PTPRT: variants seen among roughly 807,000 people sequenced by gnomAD.
PTPRT encodes receptor-type tyrosine-protein phosphatase T.
PTPRT carries 56 observed loss-of-function variants against 176.8 expected under a neutral mutation model. The observed-to-expected ratio is 0.32, with a 90% CI of 0.26 to 0.40. The LOEUF is 0.40. PTPRT is among the 10% of genes least tolerant of loss of function. The pLI is 1.00. For synonymous variants in PTPRT, 783 were observed against 739.0 expected (o/e 1.06, Z -0.96); for missense variants, 1,540 against 1,908.2 (o/e 0.81, Z 3.60).
At chr20:43,099,947 C>T (rs966372728) in intron 1 of PTPRT, among the ~76,000 whole-genome samples, 1 of 152,192 alleles carries the variant, frequency 6.6e-6, no homozygotes, top group African/African-American at 2.4e-5. Context: ...ACAGACCTCA[C>T]ATGGTACCTA....
At chr20:42,479,565 G>A (rs2071348224) in intron 7 of PTPRT, among the ~76,000 whole-genome samples, 1 of 152,134 alleles carries the variant, frequency 6.6e-6, no homozygotes, top group African/African-American at 2.4e-5. Context: ...CAGCATCATC[G>A]AAACCCACTC....
At chr20:42,522,616 A>G (rs1298846246) in intron 7 of PTPRT, among the ~76,000 whole-genome samples, 1 of 151,996 alleles carries the variant, frequency 6.6e-6, no homozygotes. Context: ...GTGTGCCACC[A>G]CACCCAGCTA....
chr20:42,405,274 T>C (rs758452076), intron 9 of PTPRT, among the ~76,000 whole-genome samples: 1 of 151,772 alleles, frequency 6.6e-6, no homozygotes, highest in Non-Finnish European at 1.5e-5. Flanking sequence ...ACATGTGCCA[T>C]GTTGGTGTGC....
At chr20:42,967,546 G>A (rs969276462) in intron 1 of PTPRT, among the ~76,000 whole-genome samples, 2 of 152,162 alleles carry the variant, frequency 1.3e-5, no homozygotes, top group Non-Finnish European at 2.9e-5. Context: ...GTGCAGCCCT[G>A]CTGACACCTT....
chr20:42,107,400 T>G (rs1986565830), intron 23 of PTPRT, among the ~76,000 whole-genome samples: 1 of 152,184 alleles, frequency 6.6e-6, no homozygotes, highest in Admixed American at 6.5e-5. Flanking sequence ...CACCTGCAGC[T>G]GTTTTCGCAG....
rs59722053 is a variant in PTPRT at position 42,086,747 on chromosome 20, A to ATAT, written c.3847-895_3847-894insATA. On this transcript the variant is annotated intron_variant, in intron 27 of 30. Coordinates refer to ENST00000373187, the MANE Select transcript of PTPRT (RefSeq NM_007050.6). ...ATCTCAAAAAAAAAAAAAAAAAAAA[A>ATAT]AAAAAAATATATATATATATGGGTT... Among the ~76,000 whole-genome samples the ATAT allele has an allele frequency of 2.3e-3, 135 of 58,738 alleles. 11 individuals are homozygous for ATAT. The highest frequency in any genetic ancestry group is 0.01 in the African/African-American group (130 of 12,930). The allele number at this position is 58,738 out of a possible 152,430, so 38.5% of individuals were successfully genotyped here.
In PTPRT at chr20:43,189,631, G is replaced by A. The variant is rs2015489054; in HGVS notation, c.88+15C>T. On this transcript the variant is annotated intron_variant, in intron 1 of 30. Coordinates refer to ENST00000373187, the MANE Select transcript of PTPRT (RefSeq NM_007050.6). The surrounding 1 kb of genome is among the most constrained non-coding windows in gnomAD (Gnocchi z 5.0). Reference sequence around the variant, plus strand: ...GGGAGCGGGGAGCCCAGGGGAGCCGGGCGGGCGCACTCACCTGCGGCGCTC... The same window carrying A: ...GGGAGCGGGGAGCCCAGGGGAGCCGAGCGGGCGCACTCACCTGCGGCGCTC... 3.2e-6 allele frequency: 4 copies of A among 1,248,396 alleles called. No homozygotes were observed. The highest frequency in any genetic ancestry group is 3.0e-6 in the Non-Finnish European group (3 of 996,480). The allele number at this position is 1,248,396 out of a possible 1,614,324, so 77.3% of individuals were successfully genotyped here.
At chr20:42,827,309 C>T (rs1458823256) in intron 2 of PTPRT, among the ~76,000 whole-genome samples, 1 of 152,092 alleles carries the variant, frequency 6.6e-6, no homozygotes, top group Non-Finnish European at 1.5e-5. Flanking sequence ...TGACATAAAA[C>T]AATCCTCAGA....
chr20:42,363,887 A>G (rs11697499), intron 9 of PTPRT, among the ~76,000 whole-genome samples: 65,210 of 151,918 alleles, frequency 0.43, 15,170 homozygotes, highest in African/African-American at 0.62. Context: ...TTTTGTCATC[A>G]TGAAGAGTGG....
chr20:42,390,380 C>T (rs375302372), intron 9 of PTPRT, among the ~76,000 whole-genome samples: 52 of 152,160 alleles, frequency 3.4e-4, no homozygotes, highest in African/African-American at 1.3e-3. Flanking sequence ...CATTTGTCAC[C>T]ATGGTGCTGC....
At chr20:42,099,542 T>TGGGTGGGGGGGGGGGGG (rs1325217305) in intron 26 of PTPRT, among the ~76,000 whole-genome samples, 1 of 8,708 alleles carries the variant, frequency 1.1e-4, no homozygotes. Context: ...GAAAATGGCC[T>TGGGTGGGGGGGGGGGGG]GGGCGGGGGG....
Position 42,352,198 on chromosome 20 carries a change from G to A in PTPRT, c.1648C>T (p.His550Tyr), listed in dbSNP as rs751307703. The A allele has an allele frequency of 1.2e-6, 2 of 1,614,208 alleles. No homozygotes were observed. The highest frequency in any genetic ancestry group is 1.7e-6 in the Non-Finnish European group (2 of 1,180,042). Reference sequence around the variant, plus strand: ...GGGTACAGACCCACAAAGAGGTGGTGGGTTTCATTCCGGAGCTTGAACACT... The same window carrying A: ...GGGTACAGACCCACAAAGAGGTGGTAGGTTTCATTCCGGAGCTTGAACACT... ...GKVFKLRNET[H>Y]HLFVGLYPGT... The change falls in exon 10 of 31, where the codon CAC becomes TAC. Residue 550 changes from histidine to tyrosine, a missense_variant. Physicochemically the swap from His to Tyr is moderately conservative, Grantham distance 83. Around this residue, in one of 11 missense-constraint regions of PTPRT, gnomAD observed 136 missense variants for 135.0 expected, o/e 1.01. Coordinates refer to ENST00000373187, the MANE Select transcript of PTPRT (RefSeq NM_007050.6).
intron 6 of PTPRT, among the ~76,000 whole-genome samples, chr20:42,681,461 AG>A (rs897028187): frequency 2.0e-5 from 3 of 152,216 alleles, no homozygotes; most frequent in Non-Finnish European, 4.4e-5. Context: ...GAGAGCACTT[AG>A]GGGAGTGTTC....
intron 1 of PTPRT, among the ~76,000 whole-genome samples, chr20:43,004,170 TAAAAA>T (rs10618644): frequency 1.6e-5 from 2 of 127,292 alleles, no homozygotes; most frequent in Non-Finnish European, 1.7e-5. Context: ...AACCAAGATG[TAAAAA>T]AAAAAAAAAA....
At chr20:42,634,552 T>C (rs1018236579) in intron 7 of PTPRT, among the ~76,000 whole-genome samples, 1 of 152,044 alleles carries the variant, frequency 6.6e-6, no homozygotes, top group Non-Finnish European at 1.5e-5. Context: ...CAGACTACAT[T>C]ATAGTGACAA....
chr20:42,411,571 G>C (rs1051857203), intron 9 of PTPRT, among the ~76,000 whole-genome samples: 5 of 144,998 alleles, frequency 3.4e-5, no homozygotes, highest in African/African-American at 1.3e-4. Flanking sequence ...AAACTGACAA[G>C]TCTCTAGCCA....
At chr20:42,491,155 T>C (rs1231428720) in intron 7 of PTPRT, among the ~76,000 whole-genome samples, 2 of 152,214 alleles carry the variant, frequency 1.3e-5, no homozygotes, top group Non-Finnish European at 2.9e-5. Flanking sequence ...ACTTCGTTAG[T>C]TAGTATTTAA....
At chr20:42,798,842 C>T (rs552797685) in intron 2 of PTPRT, among the ~76,000 whole-genome samples, 2 of 151,906 alleles carry the variant, frequency 1.3e-5, no homozygotes, top group East Asian at 1.9e-4. Flanking sequence ...TGGATAATGT[C>T]GTTTAAATAT....
chr20:42,115,747 G>A (rs867487830), intron 21 of PTPRT, among the ~76,000 whole-genome samples: 6 of 152,332 alleles, frequency 3.9e-5, no homozygotes, highest in Middle Eastern at 3.4e-3. Context: ...TCAGGGTGGA[G>A]CAGCTGAGTA....
Sources: gnomAD v4.1 joint callset for allele counts (sites outside exome capture counted in the v4.1 genomes callset) on GRCh38, gnomAD v4.1.1 for gene constraint, gnomAD v4.1.1 regional missense constraint, Gnocchi (gnomAD v3.1) non-coding constraint, MANE v1.5 for transcripts, NCBI Gene and HGNC (gene_info 2026-07-23, HGNC 2026-07-21) for gene names.